Variants in STK39 observed in about 807,000 individuals in gnomAD.
The protein encoded by STK39 is serine/threonine kinase 39, also known as STE20/SPS1-related proline-alanine-rich protein kinase.
Under a neutral mutation model 77.8 loss-of-function variants are expected in STK39, and 20 were observed. That is an observed-to-expected ratio of 0.26 (90% CI 0.18 to 0.37). The LOEUF is 0.37. STK39 is among the 10% of genes least tolerant of loss of function. The probability of loss-of-function intolerance (pLI) is 1.00; values close to 1 mark genes in which losing one functional copy is unlikely to be tolerated. For missense variants in STK39, 479 were observed against 656.5 expected, an observed-to-expected ratio of 0.73 and a Z score of 2.95; for synonymous variants, 246 against 234.1, an observed-to-expected ratio of 1.05 and a Z score of -0.47.
At chr2:168,027,667 AATAAG>A (rs1156432935) in intron 14 of STK39, among the ~76,000 whole-genome samples, 2 of 152,326 alleles carry the variant, frequency 1.3e-5, no homozygotes, top group East Asian at 1.9e-4. Context: ...GTTTTCTTCA[AATAAG>A]ATATCTCAAC....
chr2:168,065,403 C>A lies in STK39; in HGVS notation c.1243-22G>T, dbSNP rs202215333. ...CAATCTGTTACGAGAGCCACCGTTA[C>A]AGCATTCAAGAAAGCCAAAGGGAGA... On this transcript the variant is annotated intron_variant, in intron 12 of 17. Transcript: ENST00000355999. The A allele has an allele frequency of 4.1e-5, 66 of 1,613,606 alleles. 1 individual carries two copies. The highest frequency in any genetic ancestry group is 5.4e-5 in the Non-Finnish European group (64 of 1,179,684).
chr2:168,208,694 C>T (rs55808901), intron 1 of STK39, among the ~76,000 whole-genome samples: 8,040 of 152,284 alleles, frequency 0.053, 296 homozygotes, highest in Non-Finnish European at 0.073. Context: ...CTGCACTACC[C>T]TGAAATAGGC....
At chr2:168,036,276 G>A (rs576332283) in intron 14 of STK39, among the ~76,000 whole-genome samples, 1 of 151,810 alleles carries the variant, frequency 6.6e-6, no homozygotes. Flanking sequence ...TGGTGAAGAA[G>A]GCTAAGGCAG....
At chr2:168,099,205 T>C (rs377645391) in intron 10 of STK39, among the ~76,000 whole-genome samples, 1 of 152,160 alleles carries the variant, frequency 6.6e-6, no homozygotes, top group Non-Finnish European at 1.5e-5. Flanking sequence ...AGAGAGACAA[T>C]AATAAAATGG....
chr2:167,981,894 G>T (rs1323687345), intron 16 of STK39, among the ~76,000 whole-genome samples: 1 of 152,160 alleles, frequency 6.6e-6, no homozygotes, highest in Non-Finnish European at 1.5e-5. Context: ...ACAACCTAGA[G>T]AGATCTTGCA....
At chr2:168,083,891 A>G (rs1312538729) in intron 10 of STK39, among the ~76,000 whole-genome samples, 2 of 152,186 alleles carry the variant, frequency 1.3e-5, no homozygotes, top group African/African-American at 4.8e-5. Context: ...CTGTCCCACC[A>G]TAAGAAGGCA....
chr2:168,076,157 C>T (rs763105899), intron 10 of STK39, among the ~76,000 whole-genome samples: 7 of 152,184 alleles, frequency 4.6e-5, no homozygotes, highest in East Asian at 1.9e-4. Context: ...AGAGAAACTT[C>T]GTGTGGAAAG....
At chr2:168,186,004 T>C (rs1689199702) in intron 1 of STK39, among the ~76,000 whole-genome samples, 1 of 152,162 alleles carries the variant, frequency 6.6e-6, no homozygotes, top group Admixed American at 6.5e-5. Context: ...TGTGTTCCCC[T>C]AAAATGTCTT....
intron 16 of STK39, among the ~76,000 whole-genome samples, chr2:167,994,447 C>T (rs13420798): frequency 0.55 from 83,863 of 151,976 alleles, 24,374 homozygotes; most frequent in African/African-American, 0.66. Flanking sequence ...GGAGGTGAAA[C>T]TCATATAGCA....
intron 16 of STK39, among the ~76,000 whole-genome samples, chr2:167,968,712 A>G (rs1692230615): frequency 6.6e-6 from 1 of 152,242 alleles, no homozygotes; most frequent in Non-Finnish European, 1.5e-5. Context: ...AGGCAGCATG[A>G]GATTGCAAAG....
intron 10 of STK39, among the ~76,000 whole-genome samples, chr2:168,107,549 C>G (rs1459914225): frequency 6.6e-6 from 1 of 152,168 alleles, no homozygotes; most frequent in African/African-American, 2.4e-5. Context: ...CAGGGAATTG[C>G]CATCACATAA....
At chr2:168,012,341 T>C (rs554526935) in intron 16 of STK39, among the ~76,000 whole-genome samples, 4 of 152,228 alleles carry the variant, frequency 2.6e-5, no homozygotes, top group African/African-American at 9.6e-5. Flanking sequence ...GCCTGGTTAA[T>C]TTTGTATTTT....
At chr2:168,164,353 T>C (rs1467787558) in intron 3 of STK39, among the ~76,000 whole-genome samples, 4 of 152,170 alleles carry the variant, frequency 2.6e-5, no homozygotes, top group Non-Finnish European at 4.4e-5. Context: ...GACCTCTGCT[T>C]ATAACCGGAA....
At chr2:167,965,156 T>C (rs1233031259) in intron 16 of STK39, among the ~76,000 whole-genome samples, 1 of 151,604 alleles carries the variant, frequency 6.6e-6, no homozygotes, top group Non-Finnish European at 1.5e-5. Context: ...AAAGGCTTTC[T>C]CTGGAAATAG....
At chr2:168,160,494 C>A (rs1337475559) in intron 5 of STK39, among the ~76,000 whole-genome samples, 1 of 100,120 alleles carries the variant, frequency 1.0e-5, no homozygotes, top group African/African-American at 3.1e-5. Context: ...CAGCAGCAGC[C>A]ATGGTAGAAC....
chr2:167,990,346 T>C (rs564009025), intron 16 of STK39, among the ~76,000 whole-genome samples: 1 of 152,348 alleles, frequency 6.6e-6, no homozygotes, highest in South Asian at 2.1e-4. Flanking sequence ...ATTTTTTCTA[T>C]TTCCAAAGAG....
chr2:167,987,547 C>G (rs1416584903), intron 16 of STK39, among the ~76,000 whole-genome samples: 1 of 152,108 alleles, frequency 6.6e-6, no homozygotes, highest in African/African-American at 2.4e-5. Flanking sequence ...GCTGTCCAAT[C>G]ATTTAATAAG....
intron 1 of STK39, among the ~76,000 whole-genome samples, chr2:168,187,595 A>C (rs1412079240): frequency 2.6e-5 from 4 of 152,190 alleles, no homozygotes; most frequent in African/African-American, 9.6e-5. Context: ...GCACTAATTA[A>C]ATCTTAGCTA....
chr2:168,006,571 A>T (rs541278668), intron 16 of STK39, among the ~76,000 whole-genome samples: 4 of 152,298 alleles, frequency 2.6e-5, no homozygotes, highest in African/African-American at 9.6e-5. Flanking sequence ...AAACAACTAG[A>T]ATAGGGACTC....
Sources: allele counts gnomAD v4.1 joint callset (sites outside exome capture counted in the v4.1 genomes callset), GRCh38; gene constraint gnomAD v4.1.1; transcripts MANE v1.5; gene names NCBI Gene and HGNC (gene_info 2026-07-23, HGNC 2026-07-21).